SLC9B2: variants seen among roughly 807,000 people sequenced by gnomAD.
SLC9B2 encodes the protein solute carrier family 9 member B2, also known as sodium/hydrogen exchanger 9B2.
In SLC9B2, 39 loss-of-function variants were observed where a neutral mutation model predicts 52.2. The ratio of observed to expected loss-of-function variants is 0.75; its 90% confidence interval spans 0.58 to 0.98. SLC9B2 has a LOEUF of 0.98. SLC9B2 is among the 50% of genes least tolerant of loss of function. The pLI is 0.00. For synonymous variants in SLC9B2, 214 were observed against 227.0 expected (o/e 0.94, Z 0.51); for missense variants, 626 against 637.5 (o/e 0.98, Z 0.19).
chr4:103,072,739 C>T (rs1487204121), intron 1 of SLC9B2, among the ~76,000 whole-genome samples: 1 of 152,070 alleles, frequency 6.6e-6, no homozygotes, highest in Non-Finnish European at 1.5e-5. Flanking sequence ...TATTTGCTGC[C>T]TGTGATTTGG....
At chr4:103,035,790 T>G (rs902318815) in intron 9 of SLC9B2, among the ~76,000 whole-genome samples, 1 of 152,132 alleles carries the variant, frequency 6.6e-6, no homozygotes, top group African/African-American at 2.4e-5. Flanking sequence ...CCCAAAGGAA[T>G]AGAAATCACC....
At position 103,023,344 on chromosome 4, in the gene SLC9B2, T is replaced by G. The variant is rs951181786; in HGVS notation, c.*3026A>C. ...AAAAAGTGTTACATGTGCTCTGACA[T>G]AAGTATGTATAAGGGACCCAAAAGT... On this transcript the variant is annotated 3_prime_UTR_variant, in exon 12 of 12. Coordinates refer to ENST00000394785, the MANE Select transcript of SLC9B2 (RefSeq NM_178833.7). 6.6e-6 allele frequency among the ~76,000 whole-genome samples: 1 copy of G among 152,196 alleles called. No individual in the cohort carries two copies. Among genetic ancestry groups the G allele is most frequent in the African/African-American group, 2.4e-5 (1 of 41,444 alleles).
intron 3 of SLC9B2, among the ~76,000 whole-genome samples, chr4:103,064,659 C>T (rs1405340621): frequency 2.0e-5 from 3 of 151,944 alleles, no homozygotes; most frequent in Non-Finnish European, 4.4e-5. Flanking sequence ...CATGAAGAAA[C>T]GATAAATGCT....
chr4:103,072,482 A>C (rs1412854713), intron 1 of SLC9B2, among the ~76,000 whole-genome samples: 1 of 152,214 alleles, frequency 6.6e-6, no homozygotes, highest in Non-Finnish European at 1.5e-5. Context: ...CCTTCTGGCA[A>C]GTGGAGCATA....
At chr4:103,020,297 T>C (rs1241738716), downstream of SLC9B2, 1 of 435,862 alleles carries the variant, frequency 2.3e-6, no homozygotes, top group Non-Finnish European at 4.5e-6. Flanking sequence ...GAAAGTTGTA[T>C]GTGAAAGAAA....
chr4:103,069,946 T>C (rs143578973), intron 1 of SLC9B2, among the ~76,000 whole-genome samples: 16 of 152,350 alleles, frequency 1.1e-4, no homozygotes, highest in African/African-American at 3.8e-4. Context: ...CTTTTAAATA[T>C]AAACAATCAC....
intron 6 of SLC9B2, among the ~76,000 whole-genome samples, 197 bp from the exon 7 acceptor site, chr4:103,047,423 A>C (rs959059921): frequency 5.4e-5 from 8 of 148,942 alleles, no homozygotes; most frequent in African/African-American, 2.0e-4. Context: ...TTTAAGTTTT[A>C]GGGTACATGT....
chr4:103,040,993 T>G (rs1743588559), intron 9 of SLC9B2, among the ~76,000 whole-genome samples: 1 of 152,154 alleles, frequency 6.6e-6, no homozygotes, highest in Non-Finnish European at 1.5e-5. Flanking sequence ...TATTCTAAGG[T>G]GAAGTTGTAA....
intron 3 of SLC9B2, among the ~76,000 whole-genome samples, chr4:103,060,739 G>C (rs1359235375): frequency 2.0e-5 from 3 of 152,030 alleles, no homozygotes; most frequent in Non-Finnish European, 4.4e-5. Flanking sequence ...AGTTTTCCCA[G>C]ATGGGAATGA....
chr4:103,020,975 A>G (rs1291080930), downstream of SLC9B2, among the ~76,000 whole-genome samples: 2 of 152,192 alleles, frequency 1.3e-5, no homozygotes, highest in African/African-American at 2.4e-5. Context: ...TGTTATAGAC[A>G]TCTCAGCAAG....
chr4:103,049,283 G>A (rs955174359), intron 5 of SLC9B2, among the ~76,000 whole-genome samples: 1 of 152,186 alleles, frequency 6.6e-6, no homozygotes, highest in Non-Finnish European at 1.5e-5. Context: ...ACAGGCTAAA[G>A]GCATTTGCCC....
chr4:103,043,564 A>G (rs901768142), intron 8 of SLC9B2, 119 bp from the exon 9 acceptor site: 2 of 929,728 alleles, frequency 2.2e-6, no homozygotes, highest in Admixed American at 6.1e-5. Flanking sequence ...ATATAAATAG[A>G]CAAAACAAGT....
chr4:103,052,060 T>A (rs1001870468), intron 4 of SLC9B2, among the ~76,000 whole-genome samples: 2 of 152,200 alleles, frequency 1.3e-5, no homozygotes, highest in Non-Finnish European at 1.5e-5. Context: ...TAGCCCTGTA[T>A]GAGATCCTAG....
At chr4:103,034,422 G>C (rs1365047885) in intron 9 of SLC9B2, among the ~76,000 whole-genome samples, 2 of 152,110 alleles carry the variant, frequency 1.3e-5, no homozygotes, top group Non-Finnish European at 2.9e-5. Flanking sequence ...GACTCCAAAA[G>C]CAATTGTGAC....
intron 4 of SLC9B2, among the ~76,000 whole-genome samples, chr4:103,057,295 T>TATATATATATATACAC (rs1560555252): frequency 4.1e-4 from 60 of 145,860 alleles, no homozygotes; most frequent in African/African-American, 1.5e-3. Context: ...CACACATATA[T>TATATATATATATACAC]ACACACACAC....
At chr4:103,058,920 A>T (rs1365812486) in intron 3 of SLC9B2, among the ~76,000 whole-genome samples, 1 of 152,080 alleles carries the variant, frequency 6.6e-6, no homozygotes, top group Non-Finnish European at 1.5e-5. Flanking sequence ...TATAAAAATT[A>T]TCTGGGTATG....
downstream of SLC9B2, among the ~76,000 whole-genome samples, chr4:103,021,893 A>G (rs1207042201): frequency 6.6e-6 from 1 of 152,132 alleles, no homozygotes; most frequent in Non-Finnish European, 1.5e-5. Context: ...TTACTCCCTA[A>G]TATTACCCCA....
intron 3 of SLC9B2, 100 bp downstream of exon 3, chr4:103,066,227 G>A (rs1055898232): frequency 1.6e-5 from 21 of 1,352,814 alleles, no homozygotes; most frequent in African/African-American, 2.9e-5. Flanking sequence ...TTTATGTTTG[G>A]GAGAAGTGAA....
chr4:103,044,868 TC>T, intron 8 of SLC9B2, 21 bp downstream of exon 8: 1 of 1,556,622 alleles, frequency 6.4e-7, no homozygotes, highest in Non-Finnish European at 8.9e-7. Context: ...AGCACAACTT[TC>T]CCACATATTA....
Sources: allele counts gnomAD v4.1 joint callset (sites outside exome capture counted in the v4.1 genomes callset), GRCh38; gene constraint gnomAD v4.1.1; transcripts MANE v1.5; gene names NCBI Gene and HGNC (gene_info 2026-07-23, HGNC 2026-07-21).